Variants in RIMS2 observed in about 807,000 individuals in gnomAD.
RIMS2 encodes the protein regulating synaptic membrane exocytosis protein 2.
A neutral mutation model predicts 174.4 loss-of-function variants in RIMS2; 59 were observed. That is an observed-to-expected ratio of 0.34 (90% CI 0.27 to 0.42). The LOEUF is 0.42. Among genes scored for constraint, RIMS2 ranks in the 10% least tolerant of loss-of-function variants. The pLI, the probability that RIMS2 is intolerant of heterozygous loss-of-function variation, is 1.00. For missense variants in RIMS2, 1,620 were observed against 1,666.3 expected, an observed-to-expected ratio of 0.97 and a Z score of 0.48; for synonymous variants, 606 against 572.5, an observed-to-expected ratio of 1.06 and a Z score of -0.84.
At chr8:103,721,783 A>G (rs1406745264) in intron 2 of RIMS2, among the ~76,000 whole-genome samples, 1 of 152,234 alleles carries the variant, frequency 6.6e-6, no homozygotes, top group East Asian at 1.9e-4. Flanking sequence ...AAAAAATACC[A>G]TCAGTGAGAG....
Position 103,657,697 on chromosome 8 carries a change from G to T in RIMS2, c.177-39389G>T, listed in dbSNP as rs576653552. ...GGGAGGATCTGATTTTATAGCAAAC[G>T]TTCCTGCCCATGTTTTTAATCCAGT... On this transcript the variant is annotated intron_variant, in intron 1 of 23. Coordinates refer to ENST00000504942, the Ensembl canonical transcript of RIMS2. 2.8e-3 allele frequency among the ~76,000 whole-genome samples: 419 copies of T among 152,270 alleles called. 4 individuals are homozygous for T. The highest frequency in any genetic ancestry group is 9.7e-3 in the African/African-American group (405 of 41,562).
intron 17 of RIMS2, among the ~76,000 whole-genome samples, chr8:103,998,848 T>C (rs1040805398): frequency 1.3e-5 from 2 of 151,782 alleles, no homozygotes; most frequent in African/African-American, 2.4e-5. Context: ...TTGCAGTGAA[T>C]CATAGATAGT....
chr8:103,859,075 G>A (rs2099044239), intron 3 of RIMS2, among the ~76,000 whole-genome samples: 1 of 152,050 alleles, frequency 6.6e-6, no homozygotes, highest in Non-Finnish European at 1.5e-5. Context: ...ATACAGAGAG[G>A]GTCTTTTTCT....
At chr8:103,895,741 T>A (rs2132644) in intron 4 of RIMS2, among the ~76,000 whole-genome samples, 21,103 of 151,498 alleles carry the variant, frequency 0.14, 1,777 homozygotes, top group Middle Eastern at 0.24. Context: ...AACTCTGGAT[T>A]CTTACAGATT....
chr8:104,104,945 T>C (rs1032287188), intron 19 of RIMS2, among the ~76,000 whole-genome samples: 1 of 152,172 alleles, frequency 6.6e-6, no homozygotes, highest in Middle Eastern at 3.4e-3. Flanking sequence ...TGCTATTCTA[T>C]TAGTTGAAAT....
chr8:103,673,763 A>G (rs763561308), intron 1 of RIMS2, among the ~76,000 whole-genome samples: 2 of 152,224 alleles, frequency 1.3e-5, no homozygotes, highest in Non-Finnish European at 2.9e-5. Flanking sequence ...CCCATTTAGT[A>G]ATATAAATAT....
chr8:103,628,624 C>T (rs1180791108), intron 1 of RIMS2, among the ~76,000 whole-genome samples: 1 of 151,882 alleles, frequency 6.6e-6, no homozygotes, highest in South Asian at 2.1e-4. Flanking sequence ...ATGGCTTGGA[C>T]TCCCAAAGTA....
intron 1 of RIMS2, among the ~76,000 whole-genome samples, chr8:103,661,991 G>A (rs1215647455): frequency 2.0e-5 from 3 of 152,158 alleles, no homozygotes; most frequent in Non-Finnish European, 2.9e-5. Flanking sequence ...GAATGATATA[G>A]ACCTGGGGTG....
chr8:104,252,977 G>A (rs780275071), downstream of RIMS2: 17 of 152,086 alleles, frequency 1.1e-4, no homozygotes, highest in Non-Finnish European at 1.9e-4. Flanking sequence ...CTGAATTTGC[G>A]AATTTCTCAA....
chr8:103,875,590 A>G (rs1047044539), intron 3 of RIMS2, among the ~76,000 whole-genome samples: 1 of 152,008 alleles, frequency 6.6e-6, no homozygotes, highest in Non-Finnish European at 1.5e-5. Context: ...TGTCTTTTTA[A>G]TATAATGACT....
chr8:103,662,449 C>T (rs1386227702), intron 1 of RIMS2, among the ~76,000 whole-genome samples: 1 of 152,118 alleles, frequency 6.6e-6, no homozygotes, highest in Admixed American at 6.5e-5. Flanking sequence ...TTCTTATACC[C>T]AGGCAACAGT....
chr8:104,124,366 G>A (rs957291022), intron 19 of RIMS2, among the ~76,000 whole-genome samples: 1 of 152,102 alleles, frequency 6.6e-6, no homozygotes, highest in African/African-American at 2.4e-5. Context: ...CACAGGAAAA[G>A]CAAAACTAAC....
chr8:103,622,789 A>G (rs2095666436), intron 1 of RIMS2, among the ~76,000 whole-genome samples: 1 of 152,226 alleles, frequency 6.6e-6, no homozygotes, highest in Non-Finnish European at 1.5e-5. Context: ...CTAAACAGCC[A>G]GGGAAACTGA....
At chr8:103,765,063 C>T (rs1370852354) in intron 2 of RIMS2, among the ~76,000 whole-genome samples, 2 of 151,956 alleles carry the variant, frequency 1.3e-5, no homozygotes, top group Non-Finnish European at 2.9e-5. Context: ...TTGAAAATGC[C>T]ATGTTGAAAC....
intron 19 of RIMS2, among the ~76,000 whole-genome samples, chr8:104,163,903 C>T (rs2098780077): frequency 6.6e-6 from 1 of 151,952 alleles, no homozygotes; most frequent in Admixed American, 6.6e-5. Flanking sequence ...GATGGTGAGG[C>T]AACATGTAAT....
intron 1 of RIMS2, among the ~76,000 whole-genome samples, chr8:103,695,454 T>C (rs1210812455): frequency 6.6e-6 from 1 of 151,974 alleles, no homozygotes; most frequent in Non-Finnish European, 1.5e-5. Flanking sequence ...TCTTAAGTTT[T>C]TGAGACACAT....
At chr8:103,532,405 G>A (rs1201228642) in intron 1 of RIMS2, among the ~76,000 whole-genome samples, 1 of 152,204 alleles carries the variant, frequency 6.6e-6, no homozygotes, top group Non-Finnish European at 1.5e-5. Context: ...GGAATTGACA[G>A]GAACATAGCT....
intron 1 of RIMS2, among the ~76,000 whole-genome samples, chr8:103,567,007 C>T (rs1404686471): frequency 6.6e-6 from 1 of 152,186 alleles, no homozygotes; most frequent in African/African-American, 2.4e-5. Flanking sequence ...CTTTTCCCTT[C>T]CCTCATCCTA....
chr8:103,853,157 A>G (rs1365618572), intron 3 of RIMS2, among the ~76,000 whole-genome samples: 1 of 151,992 alleles, frequency 6.6e-6, no homozygotes, highest in Non-Finnish European at 1.5e-5. Context: ...GGTTTTGAAA[A>G]TGCATTTCTC....
Sources: allele counts gnomAD v4.1 joint callset (sites outside exome capture counted in the v4.1 genomes callset), GRCh38; gene constraint gnomAD v4.1.1; transcripts MANE v1.5; gene names NCBI Gene and HGNC (gene_info 2026-07-23, HGNC 2026-07-21).